Variants in CHCHD6 observed in about 807,000 individuals in gnomAD.
CHCHD6 encodes the protein MICOS complex subunit MIC25.
In CHCHD6, 28 loss-of-function variants were observed where a neutral mutation model predicts 32.3. The observed-to-expected ratio is 0.87, with a 90% CI of 0.64 to 1.19. The LOEUF (loss-of-function observed/expected upper bound fraction) is 1.19. Ranked by LOEUF, CHCHD6 falls within the 50% of genes most tolerant of loss-of-function variation. CHCHD6 has a pLI of 0.00. For synonymous variants in CHCHD6, 122 were observed against 117.5 expected, an observed-to-expected ratio of 1.04 and a Z score of -0.25; for missense variants, 333 against 307.0, an observed-to-expected ratio of 1.08 and a Z score of -0.63.
At chr3:126,892,199 G>A (rs72980873) in intron 5 of CHCHD6, among the ~76,000 whole-genome samples, 4,843 of 152,248 alleles carry the variant, frequency 0.032, 170 homozygotes, top group East Asian at 0.15. Flanking sequence ...CAGCCTGGGC[G>A]GGCTCAGCTC....
intron 5 of CHCHD6, among the ~76,000 whole-genome samples, chr3:126,900,298 G>C (rs892636562): frequency 1.3e-5 from 2 of 152,170 alleles, no homozygotes; most frequent in African/African-American, 4.8e-5. Context: ...CCTGTCAAAG[G>C]GGGTGACACC....
intron 6 of CHCHD6, among the ~76,000 whole-genome samples, chr3:126,921,585 T>G (rs772707873): frequency 3.3e-5 from 5 of 152,288 alleles, no homozygotes; most frequent in Admixed American, 6.5e-5. Context: ...TCCTCCCTGG[T>G]CCCACAGAGA....
intron 4 of CHCHD6, among the ~76,000 whole-genome samples, chr3:126,847,334 G>A (rs1041686576): frequency 5.3e-5 from 8 of 152,112 alleles, no homozygotes; most frequent in African/African-American, 1.4e-4. Flanking sequence ...GAGGGCCTCC[G>A]GTCCTCACTG....
Position 126,710,214 on chromosome 3 carries a change from T to A in CHCHD6, c.87+5815T>A, listed in dbSNP as rs143805565. ...GTTGAAAAGATTATTCTTTCCCCAT[T>A]GAATTATCTTGGAACCTTTGTGAAA... On this transcript the variant is annotated intron_variant, in intron 1 of 7. Coordinates refer to ENST00000290913, the MANE Select transcript of CHCHD6 (RefSeq NM_032343.3). Among the ~76,000 whole-genome samples the A allele has an allele frequency of 6.6e-5, 10 of 152,324 alleles. No individual in the cohort carries two copies. The East Asian group carries it at 1.9e-3, about 29-fold the overall frequency.
intron 4 of CHCHD6, among the ~76,000 whole-genome samples, chr3:126,813,861 A>T (rs1295726100): frequency 6.6e-6 from 1 of 152,208 alleles, no homozygotes; most frequent in Non-Finnish European, 1.5e-5. Flanking sequence ...AGTGAATTGG[A>T]GGACACTAGT....
At chr3:126,891,627 G>T (rs185660499) in intron 5 of CHCHD6, among the ~76,000 whole-genome samples, 2 of 152,308 alleles carry the variant, frequency 1.3e-5, no homozygotes. Context: ...GAACCTGGAA[G>T]ATCCATTAGG....
At chr3:126,824,583 T>TAAAAAAAAAAAAAAAAAA (rs1940307472) in intron 4 of CHCHD6, among the ~76,000 whole-genome samples, 2 of 32,040 alleles carry the variant, frequency 6.2e-5, no homozygotes, top group African/African-American at 1.2e-4. Flanking sequence ...AAAAAAAAAG[T>TAAAAAAAAAAAAAAAAAA]CAAATGTTGG....
chr3:126,875,281 G>A (rs1045618219), intron 5 of CHCHD6, among the ~76,000 whole-genome samples: 3 of 152,252 alleles, frequency 2.0e-5, no homozygotes, highest in African/African-American at 7.2e-5. Flanking sequence ...TGGGGAACCC[G>A]TGGCCTGTGT....
At chr3:126,895,804 G>A (rs1371459133) in intron 5 of CHCHD6, among the ~76,000 whole-genome samples, 1 of 152,214 alleles carries the variant, frequency 6.6e-6, no homozygotes, top group Admixed American at 6.5e-5. Context: ...AGGTTGGTAG[G>A]AATAGGCATG....
intron 5 of CHCHD6, 42 bp from the exon 6 acceptor site, chr3:126,914,638 A>G (rs1178620847): frequency 4.5e-6 from 5 of 1,101,196 alleles, no homozygotes; most frequent in Non-Finnish European, 7.0e-6. Flanking sequence ...AGCAGAGGGA[A>G]ATTTCAGTCT....
At chr3:126,727,850 G>C (rs745630960) in intron 2 of CHCHD6, among the ~76,000 whole-genome samples, 2 of 151,944 alleles carry the variant, frequency 1.3e-5, no homozygotes, top group Non-Finnish European at 2.9e-5. Context: ...AAAATTTTAA[G>C]GAAAAAAGTT....
At chr3:126,833,363 A>G (rs1051202610) in intron 4 of CHCHD6, among the ~76,000 whole-genome samples, 4 of 152,194 alleles carry the variant, frequency 2.6e-5, no homozygotes, top group East Asian at 3.9e-4. Flanking sequence ...CAGAAACTCA[A>G]TACCTCCCTG....
intron 4 of CHCHD6, among the ~76,000 whole-genome samples, chr3:126,814,405 G>T (rs1290745848): frequency 3.3e-5 from 5 of 152,154 alleles, no homozygotes; most frequent in Non-Finnish European, 7.3e-5. Flanking sequence ...ATGTCTTTTT[G>T]TATGTGAATG....
intron 5 of CHCHD6, among the ~76,000 whole-genome samples, chr3:126,856,779 A>G (rs989767057): frequency 6.6e-6 from 1 of 152,160 alleles, no homozygotes; most frequent in Admixed American, 6.5e-5. Flanking sequence ...CCTTGTCTTC[A>G]GTCAACCATG....
rs117640667 is a variant in CHCHD6, at chr3:126,910,823, C to G, written c.496-3857C>G. 2.8e-3 allele frequency among the ~76,000 whole-genome samples: 426 copies of G among 152,156 alleles called. 13 individuals carry two copies. In the East Asian group the frequency reaches 0.069, roughly 25 times the overall value. On this transcript the variant is annotated intron_variant, in intron 5 of 7. Coordinates refer to ENST00000290913, the MANE Select transcript of CHCHD6 (RefSeq NM_032343.3). The stretch of plus-strand genomic sequence containing the variant: ...AATGGAAAGATGAGGTGTGGCAGAT[C>G]GTGTCTGCTGCAGTCAAGTGAGTGT...
At chr3:126,908,181 G>A (rs2078032813) in intron 5 of CHCHD6, among the ~76,000 whole-genome samples, 1 of 152,106 alleles carries the variant, frequency 6.6e-6, no homozygotes, top group Non-Finnish European at 1.5e-5. Context: ...GCTGGTGGGA[G>A]CAGAGCACAG....
At chr3:126,837,870 G>A (rs758623978) in intron 4 of CHCHD6, among the ~76,000 whole-genome samples, 4 of 152,154 alleles carry the variant, frequency 2.6e-5, no homozygotes, top group South Asian at 2.1e-4. Context: ...CATTTCCACC[G>A]TCTCCTTCCC....
intron 5 of CHCHD6, among the ~76,000 whole-genome samples, chr3:126,879,555 T>C (rs937866929): frequency 2.0e-5 from 3 of 152,214 alleles, no homozygotes; most frequent in African/African-American, 7.2e-5. Flanking sequence ...AGTTATCAGT[T>C]TCACAAGAGG....
intron 1 of CHCHD6, among the ~76,000 whole-genome samples, chr3:126,715,243 C>T (rs1363953439): frequency 6.6e-6 from 1 of 152,060 alleles, no homozygotes; most frequent in African/African-American, 2.4e-5. Context: ...TGTTAAGTGT[C>T]CAGGGTTTGG....
Sources: gnomAD v4.1 joint callset for allele counts (sites outside exome capture counted in the v4.1 genomes callset) on GRCh38, gnomAD v4.1.1 for gene constraint, MANE v1.5 for transcripts, NCBI Gene and HGNC (gene_info 2026-07-23, HGNC 2026-07-21) for gene names.